VRK2: variants seen among roughly 807,000 people sequenced by gnomAD.
VRK2 encodes serine/threonine-protein kinase VRK2.
VRK2 carries 60 observed loss-of-function variants against 57.6 expected under a neutral mutation model. That is an observed-to-expected ratio of 1.04 (90% CI 0.85 to 1.29). VRK2 has a LOEUF of 1.29. Among genes scored for constraint, VRK2 ranks in the 50% most tolerant of loss-of-function variants. The pLI is 0.00. For missense variants in VRK2, 705 were observed against 588.1 expected (o/e 1.20, Z -2.06); for synonymous variants, 231 against 199.2 (o/e 1.16, Z -1.35).
intron 7 of VRK2, among the ~76,000 whole-genome samples, chr2:58,101,838 G>A (rs865823646): frequency 6.6e-6 from 1 of 151,704 alleles, no homozygotes; most frequent in Admixed American, 6.6e-5. Flanking sequence ...AACAGGGATT[G>A]TGTTTATTTC....
At chr2:57,974,826 A>C (rs971409883) in intron 1 of VRK2, among the ~76,000 whole-genome samples, 3 of 151,952 alleles carry the variant, frequency 2.0e-5, no homozygotes, top group Non-Finnish European at 2.9e-5. Flanking sequence ...CATACTCAAG[A>C]TAAAACAGCC....
At chr2:58,004,209 A>G (rs1270540082) in intron 1 of VRK2, among the ~76,000 whole-genome samples, 3 of 151,954 alleles carry the variant, frequency 2.0e-5, no homozygotes, top group African/African-American at 7.2e-5. Context: ...AAACACACAC[A>G]TCCTGACCTA....
chr2:58,105,385 G>A (rs1056578164), intron 7 of VRK2, among the ~76,000 whole-genome samples: 10 of 151,700 alleles, frequency 6.6e-5, no homozygotes, highest in African/African-American at 2.2e-4. Flanking sequence ...ATGGGCAAAA[G>A]ACATGAACAG....
chr2:58,000,399 T>A (rs894627805), intron 1 of VRK2, among the ~76,000 whole-genome samples: 2 of 152,204 alleles, frequency 1.3e-5, no homozygotes, highest in Non-Finnish European at 2.9e-5. Flanking sequence ...TTAAGGAAAA[T>A]CAGGCAAGAT....
At chr2:58,102,579 C>G (rs998181461) in intron 7 of VRK2, among the ~76,000 whole-genome samples, 4 of 150,008 alleles carry the variant, frequency 2.7e-5, no homozygotes, top group Non-Finnish European at 4.5e-5. Context: ...TATACATGCC[C>G]TGAACTCAGG....
intron 2 of VRK2, among the ~76,000 whole-genome samples, chr2:58,065,849 C>T (rs1010468760): frequency 1.1e-4 from 16 of 152,048 alleles, no homozygotes; most frequent in Non-Finnish European, 1.3e-4. Flanking sequence ...TTGATATATA[C>T]ATTTTTTGGA....
intron 1 of VRK2, among the ~76,000 whole-genome samples, chr2:57,941,037 T>C (rs569001231): frequency 1.6e-4 from 25 of 152,198 alleles, no homozygotes; most frequent in Non-Finnish European, 3.4e-4. Context: ...TGATTATCTG[T>C]AATAATAACT....
intron 1 of VRK2, among the ~76,000 whole-genome samples, chr2:57,985,546 T>C (rs1335488028): frequency 6.6e-6 from 1 of 152,070 alleles, no homozygotes; most frequent in Non-Finnish European, 1.5e-5. Flanking sequence ...GATATTATAT[T>C]ACATCCTTAA....
chr2:58,156,625 C>T (rs763429742), intron 12 of VRK2, among the ~76,000 whole-genome samples: 14 of 151,484 alleles, frequency 9.2e-5, no homozygotes, highest in South Asian at 2.1e-4. Context: ...TTTTGCCTGA[C>T]CTCTAGTTGA....
chr2:58,009,526 A>G (rs190174920), intron 1 of VRK2, among the ~76,000 whole-genome samples: 8 of 149,096 alleles, frequency 5.4e-5, no homozygotes, highest in Admixed American at 2.0e-4. Flanking sequence ...TGACAGATCT[A>G]GTATGTCTTC....
intron 1 of VRK2, among the ~76,000 whole-genome samples, chr2:57,918,248 C>G (rs1216250455): frequency 6.6e-6 from 1 of 152,070 alleles, no homozygotes; most frequent in African/African-American, 2.4e-5. Context: ...ATCCTTGGCT[C>G]TCAAAAATTC....
chr2:57,981,738 G>A lies in VRK2; in HGVS notation c.-438-43927G>A, dbSNP rs372212595. Among the ~76,000 whole-genome samples the A allele has an allele frequency of 3.5e-4, 53 of 152,288 alleles. 1 individual carries two copies. In the South Asian group the frequency reaches 0.01, roughly 30 times the overall value. On this transcript the variant is annotated intron_variant, in intron 1 of 15. Coordinates refer to the VRK2 transcript ENST00000417641. ...TCTTGGAGATTTTATTCAATTTCCA[G>A]AAGTTTAATTTGGTTCTTTTTCAAA...
upstream of VRK2, chr2:58,046,456 T>C (rs1470398866): frequency 1.0e-6 from 1 of 980,186 alleles, no homozygotes; most frequent in Non-Finnish European, 1.2e-6. Context: ...TGGAAGCTCG[T>C]AGTACTCAGG....
chr2:58,127,379 T>C (rs1381207545), intron 8 of VRK2, among the ~76,000 whole-genome samples: 2 of 152,158 alleles, frequency 1.3e-5, no homozygotes, highest in East Asian at 3.9e-4. Flanking sequence ...TAAGATACAT[T>C]TGCTCTATTG....
chr2:58,114,839 C>T (rs1360574318), intron 7 of VRK2, among the ~76,000 whole-genome samples: 2 of 152,042 alleles, frequency 1.3e-5, no homozygotes, highest in African/African-American at 2.4e-5. Context: ...CTTCTCAGAC[C>T]CTGTAGGAAA....
intron 12 of VRK2, among the ~76,000 whole-genome samples, 178 bp downstream of exon 12, chr2:58,146,652 C>T (rs922316835): frequency 1.1e-4 from 17 of 152,112 alleles, no homozygotes; most frequent in African/African-American, 4.1e-4. Context: ...CACCAGTTAT[C>T]ATAGAAACAG....
chr2:58,067,581 T>G (rs530693275), intron 2 of VRK2, among the ~76,000 whole-genome samples: 1 of 152,134 alleles, frequency 6.6e-6, no homozygotes, highest in Non-Finnish European at 1.5e-5. Flanking sequence ...AGCTCTTGGT[T>G]TCATTTACTC....
At chr2:58,032,029 C>T (rs938970607) in intron 2 of VRK2, among the ~76,000 whole-genome samples, 1 of 152,050 alleles carries the variant, frequency 6.6e-6, no homozygotes, top group East Asian at 1.9e-4. Context: ...TTCTGTCTTC[C>T]TTCCTATTCA....
chr2:58,119,683 A>T (rs1457682250), intron 7 of VRK2, among the ~76,000 whole-genome samples: 1 of 151,514 alleles, frequency 6.6e-6, no homozygotes, highest in African/African-American at 2.4e-5. Flanking sequence ...TCTATATTTT[A>T]AAAATATATT....
Sources: gnomAD v4.1 joint callset for allele counts (sites outside exome capture counted in the v4.1 genomes callset) on GRCh38, gnomAD v4.1.1 for gene constraint, MANE v1.5 for transcripts, NCBI Gene and HGNC (gene_info 2026-07-23, HGNC 2026-07-21) for gene names.